Variants in PDZRN3 observed in about 807,000 individuals in gnomAD.
PDZRN3 encodes the protein PDZ domain containing ring finger 3.
Under a neutral mutation model 85.7 loss-of-function variants are expected in PDZRN3, and 38 were observed. The observed-to-expected ratio is 0.44, with a 90% confidence interval of 0.34 to 0.58. PDZRN3 has a LOEUF of 0.58. PDZRN3 is among the 20% of genes least tolerant of loss of function. The probability of loss-of-function intolerance (pLI) is 0.01; values close to 1 mark genes in which losing one functional copy is unlikely to be tolerated. For synonymous variants in PDZRN3, 759 were observed against 638.0 expected, an observed-to-expected ratio of 1.19 and a Z score of -2.86; for missense variants, 1,629 against 1,506.4, an observed-to-expected ratio of 1.08 and a Z score of -1.35.
Position 73,383,755 on chromosome 3 carries a change from G to C in PDZRN3, c.2811C>G (p.Pro937=). 2 of 1,612,664 alleles carry C rather than the reference G, an allele frequency of 1.2e-6. No homozygotes were observed. The highest frequency in any genetic ancestry group is 1.7e-6 in the Non-Finnish European group (2 of 1,179,958). Residue 937 remains proline, a synonymous_variant, in exon 10 of 10, where the codon CCC becomes CCG. Coordinates refer to ENST00000263666, the MANE Select transcript of PDZRN3 (RefSeq NM_015009.3). ...SDGTRYITKR[P]VRDRLLRERA... ...GCTCCCGCAGCAGGCGGTCCCGCAC[G>C]GGCCTCTTGGTGATGTAGCGCGTCC...
chr3:73,401,416 T>C (rs570281056), intron 4 of PDZRN3, among the ~76,000 whole-genome samples: 1 of 152,182 alleles, frequency 6.6e-6, no homozygotes, highest in African/African-American at 2.4e-5. Context: ...GGCAACAGTC[T>C]AAGATATGTG....
In PDZRN3 at chr3:73,461,714, A is replaced by G. The variant is rs139047939; in HGVS notation, c.919-57319T>C. Among the ~76,000 whole-genome samples the G allele has an allele frequency of 9.5e-4, 144 of 152,344 alleles. 1 individual carries two copies. The East Asian group carries it at 0.027, about 29-fold the overall frequency. On this transcript the variant is annotated intron_variant, in intron 3 of 9. Coordinates refer to ENST00000263666, the MANE Select transcript of PDZRN3 (RefSeq NM_015009.3). ...TGGTTTTGCGGACAGCAGATGCATC[A>G]TATCACAGACATGTCATGTGTACAT...
At chr3:73,599,104 A>G (rs549228856) in intron 3 of PDZRN3, among the ~76,000 whole-genome samples, 17 of 152,358 alleles carry the variant, frequency 1.1e-4, no homozygotes, top group Admixed American at 9.1e-4. Flanking sequence ...ACATATAAAC[A>G]CAACAGAGTT....
chr3:73,565,778 AAATAC>A (rs1396394804), intron 3 of PDZRN3, among the ~76,000 whole-genome samples: 1 of 143,098 alleles, frequency 7.0e-6, no homozygotes, highest in Non-Finnish European at 1.5e-5. Flanking sequence ...TCTCTACTAA[AAATAC>A]AAAACACACA....
At chr3:73,528,623 G>A (rs1450979404) in intron 3 of PDZRN3, among the ~76,000 whole-genome samples, 1 of 152,058 alleles carries the variant, frequency 6.6e-6, no homozygotes, top group African/African-American at 2.4e-5. Context: ...TCTATTTCCA[G>A]CTGGATTTCA....
intron 3 of PDZRN3, among the ~76,000 whole-genome samples, chr3:73,536,332 G>A (rs1481283775): frequency 6.6e-6 from 1 of 152,192 alleles, no homozygotes; most frequent in Non-Finnish European, 1.5e-5. Context: ...CCTGCAAGAG[G>A]AGTTGACAGG....
chr3:73,552,978 C>T (rs1559734886), intron 3 of PDZRN3, among the ~76,000 whole-genome samples: 3 of 152,160 alleles, frequency 2.0e-5, no homozygotes, highest in Non-Finnish European at 4.4e-5. Context: ...GGCTGATTCC[C>T]TGGTGAGGAG....
chr3:73,587,405 T>C (rs774690051), intron 3 of PDZRN3, among the ~76,000 whole-genome samples: 1 of 152,170 alleles, frequency 6.6e-6, no homozygotes, highest in Non-Finnish European at 1.5e-5. Context: ...CAAAGAACAG[T>C]GTAGAATGAG....
intron 3 of PDZRN3, among the ~76,000 whole-genome samples, chr3:73,437,073 G>C (rs1275819364): frequency 2.0e-5 from 3 of 149,088 alleles, no homozygotes; most frequent in Non-Finnish European, 3.0e-5. Flanking sequence ...AAATTACTGA[G>C]AACCTCAAGG....
chr3:73,452,807 G>A (rs550077077), intron 3 of PDZRN3, among the ~76,000 whole-genome samples: 3 of 146,880 alleles, frequency 2.0e-5, no homozygotes, highest in Admixed American at 6.9e-5. Flanking sequence ...ATGAGGCAAC[G>A]ACTAGTGCCA....
chr3:73,453,424 C>CAAAAAA (rs372949149), intron 3 of PDZRN3, among the ~76,000 whole-genome samples: 1 of 96,800 alleles, frequency 1.0e-5, no homozygotes, highest in Non-Finnish European at 1.9e-5. Context: ...AAAAAAAAAA[C>CAAAAAA]AAAAAAAAAA....
intron 3 of PDZRN3, among the ~76,000 whole-genome samples, chr3:73,539,887 A>G (rs925923561): frequency 2.0e-5 from 3 of 152,094 alleles, no homozygotes; most frequent in Non-Finnish European, 2.9e-5. Context: ...GATTAATTTA[A>G]AAAGCAATCA....
chr3:73,607,791 T>G (rs1321400208), intron 2 of PDZRN3, among the ~76,000 whole-genome samples: 2 of 152,200 alleles, frequency 1.3e-5, no homozygotes, highest in African/African-American at 4.8e-5. Context: ...CCACAGGGCC[T>G]CAGTCTTTCT....
At chr3:73,458,293 T>C (rs1303226180) in intron 3 of PDZRN3, among the ~76,000 whole-genome samples, 1 of 151,846 alleles carries the variant, frequency 6.6e-6, no homozygotes, top group African/African-American at 2.4e-5. Context: ...CCGTAACAGC[T>C]GTTAACTGAC....
At chr3:73,445,497 A>G (rs1370936327) in intron 3 of PDZRN3, among the ~76,000 whole-genome samples, 1 of 152,132 alleles carries the variant, frequency 6.6e-6, no homozygotes, top group Non-Finnish European at 1.5e-5. Context: ...TTCATAATTC[A>G]CTCGTACCTA....
At chr3:73,430,235 A>G (rs1170212052) in intron 3 of PDZRN3, among the ~76,000 whole-genome samples, 2 of 152,166 alleles carry the variant, frequency 1.3e-5, no homozygotes, top group African/African-American at 4.8e-5. Context: ...GCTGACACTC[A>G]GCATTGTGCC....
intron 3 of PDZRN3, among the ~76,000 whole-genome samples, chr3:73,420,279 A>G (rs1279082263): frequency 1.3e-5 from 2 of 152,176 alleles, no homozygotes; most frequent in Non-Finnish European, 2.9e-5. Flanking sequence ...TGCACTTGGC[A>G]CTGGCCACCC....
rs528192462 is a variant in PDZRN3 at position 73,391,198 on chromosome 3, C to T, written c.1255-82G>A. On this transcript the variant is annotated intron_variant, in intron 5 of 9. Transcript: ENST00000263666. ...ATGTCAAATGCTTTAAAAATATTAT[C>T]TTCAAATGAGGAACTGGATTTCTTT... 6.9e-6 allele frequency: 6 copies of T among 863,922 alleles called. No individual in the cohort carries two copies. In the Admixed American group the frequency reaches 7.6e-5, roughly 11 times the overall value. 53.5% of individuals were successfully genotyped at this position (863,922 alleles called of 1,614,324 possible).
chr3:73,563,006 TA>T (rs1559739711), intron 3 of PDZRN3, among the ~76,000 whole-genome samples: 8 of 40,414 alleles, frequency 2.0e-4, no homozygotes, highest in Admixed American at 6.6e-4. Context: ...TATATATATA[TA>T]TATATATTTT....
Sources: allele counts gnomAD v4.1 joint callset (sites outside exome capture counted in the v4.1 genomes callset), GRCh38; gene constraint gnomAD v4.1.1; transcripts MANE v1.5; gene names NCBI Gene and HGNC (gene_info 2026-07-23, HGNC 2026-07-21).